Variants in MYLK3 observed in about 807,000 individuals in gnomAD.
The protein encoded by MYLK3 is myosin light chain kinase 3, also known as MLC kinase.
In MYLK3, 55 loss-of-function variants were observed where a neutral mutation model predicts 76.3. The observed-to-expected ratio is 0.72, with a 90% CI of 0.58 to 0.90. MYLK3 has a LOEUF of 0.90. Ranked by LOEUF, MYLK3 falls within the 40% of genes least tolerant of loss-of-function variation. The pLI is 0.00. For missense variants in MYLK3, 973 were observed against 1,053.6 expected (o/e 0.92, Z 1.06); for synonymous variants, 416 against 425.4 (o/e 0.98, Z 0.27).
At chr16:46,740,553 T>TATATATA (rs1316569378) in intron 1 of MYLK3, among the ~76,000 whole-genome samples, 54 of 88,478 alleles carry the variant, frequency 6.1e-4, no homozygotes, top group African/African-American at 1.8e-3. Flanking sequence ...ATATATATAT[T>TATATATA]TTTTTTTTTT....
rs538539566 is a variant in MYLK3, at chr16:46,735,239, C to T, written c.1001+2472G>A. 4.6e-5 allele frequency among the ~76,000 whole-genome samples: 7 copies of T among 152,192 alleles called. No individual in the cohort carries two copies. In the East Asian group the frequency reaches 1.2e-3, roughly 25 times the overall value. On this transcript the variant is annotated intron_variant, in intron 3 of 12. Coordinates refer to ENST00000394809, the MANE Select transcript of MYLK3 (RefSeq NM_182493.3). ...TATTTATTTGCAACAAAGTCTCGGT[C>T]TTGTCCCCTAGGCTGGAGTGCAATG...
At chr16:46,751,027 T>C (rs1296540096), upstream of MYLK3, among the ~76,000 whole-genome samples, 1 of 151,346 alleles carries the variant, frequency 6.6e-6, no homozygotes, top group East Asian at 2.0e-4. Context: ...ATAAAACAAA[T>C]AAATAAATAA....
intron 1 of MYLK3, among the ~76,000 whole-genome samples, chr16:46,758,316 T>A (rs866487388): frequency 0.14 from 18,014 of 126,290 alleles, 1,193 homozygotes; most frequent in African/African-American, 0.21. Context: ...TCTCTCTCTC[T>A]CTCTCTCTCT....
intron 7 of MYLK3, among the ~76,000 whole-genome samples, chr16:46,728,368 G>A (rs1273161161): frequency 3.9e-5 from 6 of 152,178 alleles, no homozygotes; most frequent in Admixed American, 2.6e-4. Context: ...AGAAAAGCCA[G>A]ATATCTAGGT....
At chr16:46,742,590 T>C (rs1215305425) in intron 1 of MYLK3, among the ~76,000 whole-genome samples, 1 of 152,060 alleles carries the variant, frequency 6.6e-6, no homozygotes, top group East Asian at 1.9e-4. Context: ...CCCAAATGTC[T>C]CCCCAACCCT....
At chr16:46,715,924 C>T (rs1410825797) in intron 9 of MYLK3, among the ~76,000 whole-genome samples, 1 of 152,210 alleles carries the variant, frequency 6.6e-6, no homozygotes, top group Non-Finnish European at 1.5e-5. Flanking sequence ...CCCACAGATC[C>T]TCTTGGAAAG....
chr16:46,712,776 C>A lies in MYLK3; in HGVS notation c.1986G>T (p.Arg662Ser). The stretch of plus-strand genomic sequence containing the variant: ...CCTTCAGCTTCTCTCGAGGCTTGTA[C>A]CTGGGGAGAAGGGGAGGGTACAAAG... ...IKIIDFGLAR[R>S]YKPREKLKVN... The change falls in exon 10 of 13, where the codon AGG becomes AGT. Residue 662 changes from arginine to serine, a missense_variant and splice_region_variant. Around this residue, in one of 2 missense-constraint regions of MYLK3, gnomAD observed 332 missense variants for 416.6 expected, o/e 0.80. Coordinates refer to ENST00000394809, the MANE Select transcript of MYLK3 (RefSeq NM_182493.3). The A allele has an allele frequency of 6.3e-7, 1 of 1,589,774 alleles. No homozygotes were observed. Among genetic ancestry groups the A allele is most frequent in the South Asian group, 1.1e-5 (1 of 87,404 alleles).
intron 1 of MYLK3, among the ~76,000 whole-genome samples, chr16:46,758,680 A>G (rs539208102): frequency 6.6e-6 from 1 of 152,272 alleles, no homozygotes; most frequent in South Asian, 2.1e-4. Flanking sequence ...TTGTAGATGG[A>G]GATTCTGACG....
chr16:46,745,680 A>T (rs1967009503), intron 1 of MYLK3, among the ~76,000 whole-genome samples: 1 of 152,212 alleles, frequency 6.6e-6, no homozygotes, highest in South Asian at 2.1e-4. Context: ...CAGGAGGTGG[A>T]GATTGCAGTC....
chr16:46,712,215 CTCTTT>C (rs763414991), intron 10 of MYLK3, among the ~76,000 whole-genome samples: 9 of 151,646 alleles, frequency 5.9e-5, no homozygotes, highest in Non-Finnish European at 1.0e-4. Context: ...TGGTCTTGAA[CTCTTT>C]GGCTCAAGCA....
intron 1 of MYLK3, among the ~76,000 whole-genome samples, chr16:46,756,275 C>G (rs973426416): frequency 1.3e-5 from 2 of 152,208 alleles, no homozygotes; most frequent in Non-Finnish European, 2.9e-5. Context: ...AGAATATTTA[C>G]AGTCATAGTA....
At chr16:46,760,752 G>A (rs889912349) in intron 1 of MYLK3, among the ~76,000 whole-genome samples, 3 of 152,126 alleles carry the variant, frequency 2.0e-5, no homozygotes, top group African/African-American at 4.8e-5. Context: ...TAGCAGAGGC[G>A]GGACCTGAGG....
intron 1 of MYLK3, among the ~76,000 whole-genome samples, chr16:46,745,044 C>T (rs1293412811): frequency 6.6e-6 from 1 of 151,892 alleles, no homozygotes; most frequent in Non-Finnish European, 1.5e-5. Flanking sequence ...AATAATTTCC[C>T]GTTTTCATTC....
chr16:46,713,395 C>T (rs1354620180), intron 9 of MYLK3, among the ~76,000 whole-genome samples: 1 of 152,010 alleles, frequency 6.6e-6, no homozygotes, highest in Non-Finnish European at 1.5e-5. Context: ...GATGAGGTTT[C>T]ACCATGTTGC....
intron 8 of MYLK3, 135 bp from the exon 9 acceptor site, chr16:46,721,328 A>G (rs1966797605): frequency 7.0e-6 from 5 of 711,106 alleles, no homozygotes; most frequent in Non-Finnish European, 1.2e-5. Context: ...AGGGCTGGAT[A>G]GATAATGGAA....
chr16:46,758,798 C>G (rs1452717765), intron 1 of MYLK3, among the ~76,000 whole-genome samples: 1 of 152,108 alleles, frequency 6.6e-6, no homozygotes, highest in Non-Finnish European at 1.5e-5. Flanking sequence ...CTCCCTGGCT[C>G]TGTGGGTTGA....
rs1966631470 is a variant in MYLK3, at chr16:46,706,838, G to A, written c.*866C>T. Reference sequence around the variant, plus strand: ...TGACTGCAATTCAAACCCTGTTCAAGGGTCAACTGTACATGTATATAGAAA... The same window carrying A: ...TGACTGCAATTCAAACCCTGTTCAAAGGTCAACTGTACATGTATATAGAAA... On this transcript the variant is annotated 3_prime_UTR_variant, in exon 13 of 13. Transcript: ENST00000394809. The A allele has an allele frequency of 6.6e-6, 1 of 152,150 alleles. No individual in the cohort carries two copies. Among genetic ancestry groups the A allele is most frequent in the Non-Finnish European group, 1.5e-5 (1 of 68,052 alleles). 9.4% of individuals were successfully genotyped at this position (152,150 alleles called of 1,614,324 possible).
chr16:46,732,059 A>G, intron 4 of MYLK3, 149 bp downstream of exon 4: 5 of 697,784 alleles, frequency 7.2e-6, no homozygotes, highest in Admixed American at 6.1e-5. Flanking sequence ...CTCCAGCCCC[A>G]GGATGTACCT....
At chr16:46,761,315 C>T (rs1344163234) in intron 1 of MYLK3, among the ~76,000 whole-genome samples, 1 of 152,112 alleles carries the variant, frequency 6.6e-6, no homozygotes, top group Non-Finnish European at 1.5e-5. Flanking sequence ...ACATACAGAC[C>T]TGAAGCAGCA....
Sources: allele counts gnomAD v4.1 joint callset (sites outside exome capture counted in the v4.1 genomes callset), GRCh38; gene constraint gnomAD v4.1.1; regional missense constraint gnomAD v4.1.1; transcripts MANE v1.5; gene names NCBI Gene and HGNC (gene_info 2026-07-23, HGNC 2026-07-21).